The following IMMP2L variants were observed in gnomAD, a reference collection of about 807,000 sequenced individuals.
IMMP2L encodes the protein inner mitochondrial membrane peptidase subunit 2, also known as mitochondrial inner membrane protease subunit 2.
A neutral mutation model predicts 19.3 loss-of-function variants in IMMP2L; 18 were observed. The observed-to-expected ratio is 0.93, with a 90% confidence interval of 0.64 to 1.38. IMMP2L has a LOEUF of 1.38. Ranked by LOEUF, IMMP2L falls within the 40% of genes most tolerant of loss-of-function variation. IMMP2L has a pLI of 0.00. For synonymous variants in IMMP2L, 76 were observed against 73.0 expected, an observed-to-expected ratio of 1.04 and a Z score of -0.21; for missense variants, 233 against 218.2, an observed-to-expected ratio of 1.07 and a Z score of -0.43.
chr7:111,443,679 A>G (rs1177221824), intron 3 of IMMP2L, among the ~76,000 whole-genome samples: 1 of 152,190 alleles, frequency 6.6e-6, no homozygotes, highest in Non-Finnish European at 1.5e-5. Flanking sequence ...ACAACACTGA[A>G]AAGGTGCAAT....
intron 3 of IMMP2L, among the ~76,000 whole-genome samples, chr7:111,435,926 T>C (rs1377036806): frequency 6.6e-6 from 1 of 151,716 alleles, no homozygotes; most frequent in Non-Finnish European, 1.5e-5. Flanking sequence ...CCTATAGATG[T>C]AGACAGCCAG....
intron 3 of IMMP2L, among the ~76,000 whole-genome samples, chr7:111,460,408 T>A (rs890503513): frequency 2.0e-5 from 3 of 152,070 alleles, no homozygotes; most frequent in African/African-American, 7.2e-5. Context: ...GAAGCTAACT[T>A]AATGCCAACA....
At chr7:111,451,314 A>C (rs1250296767) in intron 3 of IMMP2L, among the ~76,000 whole-genome samples, 2 of 151,250 alleles carry the variant, frequency 1.3e-5, no homozygotes, top group South Asian at 4.2e-4. Flanking sequence ...AACCAACCCA[A>C]ATGTCCAAGA....
intron 5 of IMMP2L, among the ~76,000 whole-genome samples, chr7:110,759,110 T>C (rs1202054816): frequency 6.6e-6 from 1 of 152,108 alleles, no homozygotes; most frequent in Non-Finnish European, 1.5e-5. Context: ...TCCATGAGAA[T>C]CTTGCATGTG....
chr7:110,942,557 A>G (rs1294559083), intron 4 of IMMP2L, among the ~76,000 whole-genome samples: 1 of 151,862 alleles, frequency 6.6e-6, no homozygotes, highest in Non-Finnish European at 1.5e-5. Flanking sequence ...GATCCTTCTG[A>G]ATATATATTT....
intron 3 of IMMP2L, among the ~76,000 whole-genome samples, chr7:111,231,528 A>C (rs1356342734): frequency 1.3e-5 from 2 of 151,892 alleles, no homozygotes; most frequent in African/African-American, 4.8e-5. Context: ...TGCTCATTCT[A>C]AAGTAGGTTG....
intron 5 of IMMP2L, among the ~76,000 whole-genome samples, chr7:110,737,460 A>C (rs1796712245): frequency 6.6e-6 from 1 of 152,184 alleles, no homozygotes; most frequent in South Asian, 2.1e-4. Context: ...CCTTCTGGGA[A>C]TATAACTGCA....
At chr7:110,832,001 C>T (rs1472539219) in intron 5 of IMMP2L, among the ~76,000 whole-genome samples, 2 of 152,324 alleles carry the variant, frequency 1.3e-5, no homozygotes, top group East Asian at 1.9e-4. Context: ...CGGTGGCTCA[C>T]GCCTGTAATC....
At chr7:111,506,405 TCTTC>T (rs1189667744) in intron 2 of IMMP2L, among the ~76,000 whole-genome samples, 1 of 151,836 alleles carries the variant, frequency 6.6e-6, no homozygotes, top group African/African-American at 2.4e-5. Context: ...TACATCCATA[TCTTC>T]CTTCTTTTTT....
At chr7:111,284,703 G>A (rs887496671) in intron 3 of IMMP2L, among the ~76,000 whole-genome samples, 1 of 152,154 alleles carries the variant, frequency 6.6e-6, no homozygotes, top group Non-Finnish European at 1.5e-5. Flanking sequence ...AAAACTGGAT[G>A]AAGTGTTGCC....
chr7:110,777,508 C>A (rs932126573), intron 5 of IMMP2L, among the ~76,000 whole-genome samples: 3 of 151,928 alleles, frequency 2.0e-5, no homozygotes, highest in Non-Finnish European at 4.4e-5. Flanking sequence ...ATCGAAGTTT[C>A]TTTAGCCCGT....
intron 3 of IMMP2L, among the ~76,000 whole-genome samples, chr7:111,466,308 C>T (rs908938109): frequency 2.0e-5 from 3 of 152,048 alleles, no homozygotes; most frequent in Admixed American, 6.6e-5. Flanking sequence ...CTAACCTGCA[C>T]ATTGTGCACA....
At chr7:110,963,772 A>G (rs1819224740) in intron 3 of IMMP2L, among the ~76,000 whole-genome samples, 1 of 152,046 alleles carries the variant, frequency 6.6e-6, no homozygotes, top group Admixed American at 6.6e-5. Flanking sequence ...TGGGGGGGAA[A>G]AAAGCCATGT....
At chr7:111,169,692 C>T (rs200403760) in intron 3 of IMMP2L, among the ~76,000 whole-genome samples, 2 of 151,838 alleles carry the variant, frequency 1.3e-5, no homozygotes, top group Non-Finnish European at 2.9e-5. Flanking sequence ...TTAGAGCCAA[C>T]CTTAATGACC....
intron 5 of IMMP2L, among the ~76,000 whole-genome samples, chr7:110,863,465 TTTGA>T (rs1807658715): frequency 6.6e-6 from 1 of 152,108 alleles, no homozygotes; most frequent in Non-Finnish European, 1.5e-5. Context: ...CTTATAAAGG[TTTGA>T]CTCAGGATTT....
chr7:111,384,214 GAGGAGAGAGGAGAA>G (rs140031104), intron 3 of IMMP2L, among the ~76,000 whole-genome samples: 21,354 of 142,234 alleles, frequency 0.15, 1,812 homozygotes, highest in African/African-American at 0.22. Flanking sequence ...AGAGAAGAGA[GAGGAGAGAGGAGAA>G]AGGAGAGAGG....
chr7:111,298,457 T>C lies in IMMP2L; in HGVS notation c.239+188781A>G, dbSNP rs139953760. ...GTAAGTATTTGTTAAAAATATATAA[T>C]AAAACAGCTGGGCCAAGCACGGTGG... On this transcript the variant is annotated intron_variant, in intron 3 of 5. Coordinates refer to ENST00000405709, the MANE Select transcript of IMMP2L (RefSeq NM_032549.4). Among the ~76,000 whole-genome samples, 1,519 of 152,130 alleles carry C rather than the reference T, an allele frequency of 1.0e-2. 45 individuals carry two copies. Among genetic ancestry groups the C allele is most frequent in the Admixed American group, 0.048 (733 of 15,234 alleles).
chr7:111,057,316 G>A (rs555491177), intron 3 of IMMP2L, among the ~76,000 whole-genome samples: 1 of 152,114 alleles, frequency 6.6e-6, no homozygotes, highest in South Asian at 2.1e-4. Context: ...GACTCAGACT[G>A]CTTTGAGTTA....
chr7:111,529,170 G>A (rs918318290), intron 1 of IMMP2L, among the ~76,000 whole-genome samples: 4 of 152,134 alleles, frequency 2.6e-5, no homozygotes, highest in Non-Finnish European at 5.9e-5. Flanking sequence ...CAAGAAACAA[G>A]TATATGACCA....
Sources: gnomAD v4.1 joint callset for allele counts (sites outside exome capture counted in the v4.1 genomes callset) on GRCh38, gnomAD v4.1.1 for gene constraint, MANE v1.5 for transcripts, NCBI Gene and HGNC (gene_info 2026-07-23, HGNC 2026-07-21) for gene names.